Variants in MB21D2 observed in about 807,000 individuals in gnomAD.
The protein encoded by MB21D2 is Mab-21 domain containing 2, also known as nucleotidyltransferase MB21D2.
Under a neutral mutation model 33.3 loss-of-function variants are expected in MB21D2, and 9 were observed. The observed-to-expected ratio is 0.27, with a 90% CI of 0.16 to 0.47. The LOEUF (loss-of-function observed/expected upper bound fraction) is 0.47. Among genes scored for constraint, MB21D2 ranks in the 20% least tolerant of loss-of-function variants. The pLI, the probability that MB21D2 is intolerant of heterozygous loss-of-function variation, is 0.99. For missense variants in MB21D2, 540 were observed against 624.6 expected, an observed-to-expected ratio of 0.86 and a Z score of 1.44; for synonymous variants, 241 against 236.3, an observed-to-expected ratio of 1.02 and a Z score of -0.18.
chr3:192,808,829 T>C (rs1711721832), intron 1 of MB21D2, among the ~76,000 whole-genome samples: 1 of 152,238 alleles, frequency 6.6e-6, no homozygotes. Flanking sequence ...TCTATGTCAT[T>C]TGTAAACTGC....
At chr3:192,824,802 TC>T (rs1235971763) in intron 1 of MB21D2, among the ~76,000 whole-genome samples, 1 of 152,352 alleles carries the variant, frequency 6.6e-6, no homozygotes. Context: ...TATTTCCACT[TC>T]ATGTTCCTAC....
intron 1 of MB21D2, among the ~76,000 whole-genome samples, chr3:192,853,902 G>A (rs958070582): frequency 1.3e-5 from 2 of 152,122 alleles, no homozygotes; most frequent in Admixed American, 6.5e-5. Flanking sequence ...GATCTTTGAT[G>A]TTACTATTGT....
At chr3:192,802,336 G>A (rs1440042053) in intron 1 of MB21D2, among the ~76,000 whole-genome samples, 7 of 152,106 alleles carry the variant, frequency 4.6e-5, no homozygotes, top group Non-Finnish European at 8.8e-5. Flanking sequence ...TTCGACAGGT[G>A]TAGATCCCAA....
At chr3:192,863,519 A>G (rs1713099059) in intron 1 of MB21D2, among the ~76,000 whole-genome samples, 1 of 152,202 alleles carries the variant, frequency 6.6e-6, no homozygotes, top group Non-Finnish European at 1.5e-5. Context: ...TAACTCATTC[A>G]TACACTTATT....
At chr3:192,803,568 A>G (rs1448571309) in intron 1 of MB21D2, among the ~76,000 whole-genome samples, 2 of 152,160 alleles carry the variant, frequency 1.3e-5, no homozygotes, top group Non-Finnish European at 2.9e-5. Flanking sequence ...AGCCTTCCCC[A>G]GCGTTATACA....
Position 192,856,984 on chromosome 3 carries a change from A to C in MB21D2, c.212-57334T>G, listed in dbSNP as rs6803933. On this transcript the variant is annotated intron_variant, in intron 1 of 1. Transcript: ENST00000392452. ...GACATTATTATCACCCTAAAACATAAGCAAAGGAAAAAATGATCACATACT... is the reference window on the plus strand; with the variant it reads ...GACATTATTATCACCCTAAAACATACGCAAAGGAAAAAATGATCACATACT... Among the ~76,000 whole-genome samples, 135 of 152,222 alleles carry C rather than the reference A, an allele frequency of 8.9e-4. 1 individual carries two copies. The highest frequency in any genetic ancestry group is 3.2e-3 in the African/African-American group (131 of 41,450).
chr3:192,904,935 C>T (rs1248857822), intron 1 of MB21D2, among the ~76,000 whole-genome samples: 2 of 152,210 alleles, frequency 1.3e-5, no homozygotes, highest in African/African-American at 2.4e-5. Flanking sequence ...TTTCTCACAA[C>T]GGGGTAATGA....
chr3:192,905,271 C>G (rs1316662128), intron 1 of MB21D2, among the ~76,000 whole-genome samples: 1 of 152,090 alleles, frequency 6.6e-6, no homozygotes, highest in African/African-American at 2.4e-5. Flanking sequence ...GGTAGAAAAG[C>G]TGTTGTTTTG....
chr3:192,812,547 G>A (rs1711811473), intron 1 of MB21D2, among the ~76,000 whole-genome samples: 1 of 152,074 alleles, frequency 6.6e-6, no homozygotes, highest in Non-Finnish European at 1.5e-5. Flanking sequence ...GATATACTTC[G>A]ACTGACAACA....
chr3:192,894,958 G>A (rs191412279), intron 1 of MB21D2, among the ~76,000 whole-genome samples: 5 of 152,076 alleles, frequency 3.3e-5, no homozygotes, highest in African/African-American at 7.2e-5. Flanking sequence ...GCACATTCCC[G>A]AGCTCGTCTC....
intron 1 of MB21D2, among the ~76,000 whole-genome samples, chr3:192,804,299 A>G (rs1345586773): frequency 2.6e-5 from 4 of 152,170 alleles, no homozygotes; most frequent in Non-Finnish European, 5.9e-5. Flanking sequence ...CTAGAGCACA[A>G]AAACTAAGTA....
chr3:192,842,509 TTCGTTTCC>T (rs1712595711), intron 1 of MB21D2, among the ~76,000 whole-genome samples: 1 of 152,214 alleles, frequency 6.6e-6, no homozygotes, highest in Non-Finnish European at 1.5e-5. Flanking sequence ...CTATGTAAGC[TTCGTTTCC>T]TCTTAAATCA....
At chr3:192,810,263 TAA>T (rs1711756502) in intron 1 of MB21D2, among the ~76,000 whole-genome samples, 1 of 152,200 alleles carries the variant, frequency 6.6e-6, no homozygotes, top group South Asian at 2.1e-4. Flanking sequence ...CAAACTGTGA[TAA>T]GAGATAATGC....
At chr3:192,886,834 T>C (rs1193054453) in intron 1 of MB21D2, among the ~76,000 whole-genome samples, 2 of 152,102 alleles carry the variant, frequency 1.3e-5, no homozygotes, top group Non-Finnish European at 2.9e-5. Context: ...AAAGAGTAAA[T>C]ATCTTGCCTG....
intron 1 of MB21D2, among the ~76,000 whole-genome samples, chr3:192,884,443 T>C (rs7612955): frequency 0.7 from 105,335 of 151,068 alleles, 38,188 homozygotes; most frequent in African/African-American, 0.91. Context: ...CTAGGCTCAC[T>C]GCAAGCTCCG....
At chr3:192,904,686 C>T (rs1360904063) in intron 1 of MB21D2, among the ~76,000 whole-genome samples, 2 of 152,230 alleles carry the variant, frequency 1.3e-5, no homozygotes, top group Non-Finnish European at 2.9e-5. Context: ...CACTGATACA[C>T]ACTGAAGTTC....
At chr3:192,909,715 G>A (rs759658303) in intron 1 of MB21D2, among the ~76,000 whole-genome samples, 3 of 151,934 alleles carry the variant, frequency 2.0e-5, no homozygotes, top group Admixed American at 2.0e-4. Flanking sequence ...TGCATCACTC[G>A]AGGTCAGGAG....
chr3:192,809,566 G>C (rs887846477), intron 1 of MB21D2, among the ~76,000 whole-genome samples: 2 of 152,134 alleles, frequency 1.3e-5, no homozygotes, highest in African/African-American at 4.8e-5. Flanking sequence ...TGGGCCTTTG[G>C]AACTGCCACA....
chr3:192,807,371 G>C (rs1160134484), intron 1 of MB21D2, among the ~76,000 whole-genome samples: 2 of 151,774 alleles, frequency 1.3e-5, no homozygotes, highest in African/African-American at 2.4e-5. Context: ...AAGAGTAATG[G>C]TGTTAAACAG....
Sources: gnomAD v4.1 joint callset for allele counts (sites outside exome capture counted in the v4.1 genomes callset) on GRCh38, gnomAD v4.1.1 for gene constraint, MANE v1.5 for transcripts, NCBI Gene and HGNC (gene_info 2026-07-23, HGNC 2026-07-21) for gene names.